PLCB1: variants seen among roughly 807,000 people sequenced by gnomAD.
PLCB1 encodes the protein 1-phosphatidylinositol 4,5-bisphosphate phosphodiesterase beta-1.
Under a neutral mutation model 161.8 loss-of-function variants are expected in PLCB1, and 46 were observed. The observed-to-expected ratio is 0.28, with a 90% confidence interval of 0.22 to 0.36. The LOEUF (loss-of-function observed/expected upper bound fraction) is 0.36, where lower values mean the gene tolerates loss of function less well. PLCB1 is among the 10% of genes least tolerant of loss of function. The pLI is 1.00. For missense variants in PLCB1, 1,016 were observed against 1,472.5 expected (o/e 0.69, Z 5.07); for synonymous variants, 517 against 503.7 (o/e 1.03, Z -0.35).
intron 2 of PLCB1, among the ~76,000 whole-genome samples, chr20:8,234,488 A>G (rs1417868384): frequency 6.6e-6 from 1 of 152,098 alleles, no homozygotes; most frequent in Non-Finnish European, 1.5e-5. Flanking sequence ...AATGGAATGT[A>G]ACACTTTACC....
At chr20:8,232,494 G>A (rs1047155279) in intron 2 of PLCB1, among the ~76,000 whole-genome samples, 12 of 152,164 alleles carry the variant, frequency 7.9e-5, no homozygotes, top group Non-Finnish European at 1.8e-4. Context: ...ATAGGATGGT[G>A]ACCTAGTTTA....
At chr20:8,413,235 G>A (rs945237338) in intron 3 of PLCB1, among the ~76,000 whole-genome samples, 8 of 151,992 alleles carry the variant, frequency 5.3e-5, no homozygotes, top group Non-Finnish European at 8.8e-5. Context: ...TATAAACAAG[G>A]AAGTCAGACA....
chr20:8,844,690 A>G (rs1283820460), intron 31 of PLCB1, among the ~76,000 whole-genome samples: 4 of 152,222 alleles, frequency 2.6e-5, no homozygotes, highest in Non-Finnish European at 5.9e-5. Flanking sequence ...GCCAGTGTCA[A>G]TAGGTATGAG....
At chr20:8,263,262 T>C (rs1290790048) in intron 2 of PLCB1, among the ~76,000 whole-genome samples, 1 of 152,182 alleles carries the variant, frequency 6.6e-6, no homozygotes, top group Non-Finnish European at 1.5e-5. Context: ...TCTGGAGTAG[T>C]TAAGAAATGA....
At chr20:8,540,335 G>T (rs371893769) in intron 3 of PLCB1, among the ~76,000 whole-genome samples, 4 of 152,068 alleles carry the variant, frequency 2.6e-5, no homozygotes, top group African/African-American at 9.7e-5. Flanking sequence ...GTGGTGAAGC[G>T]TCTATCAGAA....
At chr20:8,579,136 G>A (rs575053745) in intron 3 of PLCB1, among the ~76,000 whole-genome samples, 3 of 152,178 alleles carry the variant, frequency 2.0e-5, no homozygotes, top group Admixed American at 2.0e-4. Flanking sequence ...CCTTAGACAT[G>A]TAACTTTATA....
Position 8,681,094 on chromosome 20 carries a change from A to G in PLCB1, c.863-3838A>G, listed in dbSNP as rs370235879. Among the ~76,000 whole-genome samples the G allele has an allele frequency of 5.6e-3, 420 of 75,582 alleles. 5 individuals carry two copies. Among genetic ancestry groups the G allele is most frequent in the African/African-American group, 8.1e-3 (104 of 12,818 alleles). The allele number at this position is 75,582 out of a possible 152,430, so 49.6% of individuals were successfully genotyped here. A position where few individuals can be genotyped will look rare whatever the true frequency, so the allele number is the denominator to read the frequency against. Reference sequence around the variant, plus strand: ...TGTGTATATGTGTGTGTGTATATATATATATATATATATATATATATATAT... The same window carrying G: ...TGTGTATATGTGTGTGTGTATATATGTATATATATATATATATATATATAT... On this transcript the variant is annotated intron_variant, in intron 9 of 31. Coordinates refer to ENST00000338037, the MANE Select transcript of PLCB1 (RefSeq NM_015192.4).
At chr20:8,661,396 G>T (rs566414916) in intron 9 of PLCB1, among the ~76,000 whole-genome samples, 1 of 152,198 alleles carries the variant, frequency 6.6e-6, no homozygotes, top group South Asian at 2.1e-4. Context: ...AGGCTTTGGA[G>T]TCCAACGGCT....
At chr20:8,765,399 A>G (rs1481791575) in intron 26 of PLCB1, 41 bp downstream of exon 26, 1 of 1,412,274 alleles carries the variant, frequency 7.1e-7, no homozygotes, top group South Asian at 1.2e-5. Flanking sequence ...CATAGCATGA[A>G]GAGTTGTTAA....
chr20:8,607,361 T>C (rs1273938192), intron 3 of PLCB1, among the ~76,000 whole-genome samples: 2 of 152,218 alleles, frequency 1.3e-5, no homozygotes, highest in African/African-American at 4.8e-5. Context: ...TTAAACCTAA[T>C]GGACTTCTTT....
At chr20:8,463,093 TTAAAG>T (rs918130914) in intron 3 of PLCB1, among the ~76,000 whole-genome samples, 5 of 151,886 alleles carry the variant, frequency 3.3e-5, no homozygotes, top group South Asian at 2.1e-4. Context: ...ATTCATCTTC[TTAAAG>T]TAGAGTTTCT....
intron 2 of PLCB1, among the ~76,000 whole-genome samples, chr20:8,285,239 A>G (rs188305960): frequency 7.0e-4 from 104 of 148,788 alleles, no homozygotes; most frequent in Non-Finnish European, 1.3e-3. Flanking sequence ...GCTTTTATAT[A>G]TATATATTTC....
intron 3 of PLCB1, among the ~76,000 whole-genome samples, chr20:8,601,244 G>A (rs140773242): frequency 9.3e-4 from 142 of 152,330 alleles, no homozygotes; most frequent in Non-Finnish European, 1.5e-3. Context: ...TTTAAGTTCA[G>A]GGGTATATGC....
At chr20:8,586,698 T>C (rs572209865) in intron 3 of PLCB1, among the ~76,000 whole-genome samples, 1 of 152,344 alleles carries the variant, frequency 6.6e-6, no homozygotes, top group East Asian at 1.9e-4. Flanking sequence ...AATCCCCTTT[T>C]CACATTTTCT....
intron 2 of PLCB1, among the ~76,000 whole-genome samples, chr20:8,241,551 A>C (rs1238301880): frequency 1.3e-5 from 2 of 152,002 alleles, no homozygotes; most frequent in Admixed American, 1.3e-4. Context: ...AAGTGCAATG[A>C]AATATTAATT....
At chr20:8,794,818 A>T (rs1275583906) in intron 31 of PLCB1, among the ~76,000 whole-genome samples, 1 of 152,230 alleles carries the variant, frequency 6.6e-6, no homozygotes, top group Non-Finnish European at 1.5e-5. Context: ...AGTAACAAAC[A>T]GATATTTTGT....
At chr20:8,673,698 C>T (rs753357105) in intron 9 of PLCB1, among the ~76,000 whole-genome samples, 88 of 152,222 alleles carry the variant, frequency 5.8e-4, no homozygotes, top group African/African-American at 2.0e-3. Context: ...GATACAATAT[C>T]GTTTGAGATA....
chr20:8,201,143 T>C (rs1206799060), intron 2 of PLCB1, among the ~76,000 whole-genome samples: 1 of 152,106 alleles, frequency 6.6e-6, no homozygotes, highest in Non-Finnish European at 1.5e-5. Context: ...AGAATAATTG[T>C]CTTATTTATT....
intron 3 of PLCB1, among the ~76,000 whole-genome samples, chr20:8,539,781 CTT>C (rs201638567): frequency 0.018 from 2,691 of 147,986 alleles, 72 homozygotes; most frequent in African/African-American, 0.06. Context: ...TCCTTCCTTC[CTT>C]CCTTCCTTTC....
Sources: gnomAD v4.1 joint callset for allele counts (sites outside exome capture counted in the v4.1 genomes callset) on GRCh38, gnomAD v4.1.1 for gene constraint, MANE v1.5 for transcripts, NCBI Gene and HGNC (gene_info 2026-07-23, HGNC 2026-07-21) for gene names.